Variants in GRXCR2 observed in about 807,000 individuals in gnomAD.
GRXCR2 encodes glutaredoxin and cysteine rich domain containing 2.
In GRXCR2, 23 loss-of-function variants were observed where a neutral mutation model predicts 24.8. That is an observed-to-expected ratio of 0.93 (90% CI 0.67 to 1.32). The LOEUF (loss-of-function observed/expected upper bound fraction) is 1.32, where lower values mean the gene tolerates loss of function less well. Ranked by LOEUF, GRXCR2 falls within the 40% of genes most tolerant of loss-of-function variation. The pLI, the probability that GRXCR2 is intolerant of heterozygous loss-of-function variation, is 0.00. For missense variants in GRXCR2, 315 were observed against 303.4 expected, an observed-to-expected ratio of 1.04 and a Z score of -0.28; for synonymous variants, 130 against 116.1, an observed-to-expected ratio of 1.12 and a Z score of -0.77.
intron 2 of GRXCR2, among the ~76,000 whole-genome samples, chr5:145,864,128 G>T (rs1469527088): frequency 6.6e-6 from 1 of 152,152 alleles, no homozygotes; most frequent in Non-Finnish European, 1.5e-5. Flanking sequence ...CCTCATGGAA[G>T]CCAGGGAAGA....
intron 2 of GRXCR2, among the ~76,000 whole-genome samples, chr5:145,893,740 C>G (rs1313399162): frequency 6.6e-6 from 1 of 152,248 alleles, no homozygotes; most frequent in East Asian, 1.9e-4. Flanking sequence ...ATAAATTTAA[C>G]AAGGATATCC....
rs116131029 is a variant in GRXCR2, at chr5:145,910,497, C to T, written c.-70+25204G>A. Among the ~76,000 whole-genome samples, 432 of 152,084 alleles carry T rather than the reference C, an allele frequency of 2.8e-3. 2 individuals are homozygous for T. The highest frequency in any genetic ancestry group is 0.01 in the African/African-American group (422 of 41,470). ...AATATAATTATATACCAACTGTTAACCTTTTAAAATGATTCATAATTATAA... is the reference window on the plus strand; with the variant it reads ...AATATAATTATATACCAACTGTTAATCTTTTAAAATGATTCATAATTATAA... On this transcript the variant is annotated intron_variant, in intron 2 of 3. Coordinates refer to the GRXCR2 transcript ENST00000639411.
At chr5:145,893,808 AC>A (rs891616387) in intron 2 of GRXCR2, among the ~76,000 whole-genome samples, 1 of 152,096 alleles carries the variant, frequency 6.6e-6, no homozygotes, top group African/African-American at 2.4e-5. Context: ...AGAACTCTCC[AC>A]CCCAAATCAA....
At chr5:145,872,136 G>A (rs562301061) in intron 1 of GRXCR2, among the ~76,000 whole-genome samples, 1 of 152,280 alleles carries the variant, frequency 6.6e-6, no homozygotes, top group East Asian at 1.9e-4. Flanking sequence ...TTATGCTAAG[G>A]AGCAATGGAA....
intron 2 of GRXCR2, among the ~76,000 whole-genome samples, chr5:145,918,899 T>C (rs1239051889): frequency 6.6e-6 from 1 of 152,172 alleles, no homozygotes; most frequent in Non-Finnish European, 1.5e-5. Flanking sequence ...CAAACAGACT[T>C]GGTTCCCTTC....
chr5:145,884,745 T>C (rs907455630), intron 2 of GRXCR2, among the ~76,000 whole-genome samples: 1 of 152,208 alleles, frequency 6.6e-6, no homozygotes, highest in Non-Finnish European at 1.5e-5. Flanking sequence ...TTAAAAAATT[T>C]ACATTCCAAG....
intron 1 of GRXCR2, among the ~76,000 whole-genome samples, chr5:145,868,472 C>T (rs577887743): frequency 6.6e-6 from 1 of 152,260 alleles, no homozygotes; most frequent in African/African-American, 2.4e-5. Flanking sequence ...TTTTCTCTCC[C>T]TTTCTTCAAG....
chr5:145,924,012 T>A (rs551895930), intron 2 of GRXCR2, among the ~76,000 whole-genome samples: 16 of 152,230 alleles, frequency 1.1e-4, no homozygotes, highest in African/African-American at 3.6e-4. Flanking sequence ...TTTTGATAGA[T>A]AATGCCAAAA....
rs773196788 is a variant in GRXCR2 at position 145,872,733 on chromosome 5, T to G, written c.236A>C (p.Lys79Thr). 1.9e-6 allele frequency: 3 copies of G among 1,614,058 alleles called. No homozygotes were observed. The highest frequency in any genetic ancestry group is 2.5e-6 in the Non-Finnish European group (3 of 1,179,888). The change falls in exon 1 of 3, where the codon AAG becomes ACG. Residue 79 changes from lysine (K) to threonine (T), a missense_variant. Coordinates refer to ENST00000377976, the MANE Select transcript of GRXCR2 (RefSeq NM_001080516.2). ...EVPRPQMCSP[K>T]LTAQRISVFR... ...CACACTGATCCTCTGAGCAGTCAGC[T>G]TAGGGGAGCACATCTGGGGCCTGGG...
At chr5:145,892,926 T>G (rs1350639350) in intron 2 of GRXCR2, among the ~76,000 whole-genome samples, 1 of 152,158 alleles carries the variant, frequency 6.6e-6, no homozygotes, top group East Asian at 1.9e-4. Context: ...AGACTAACAG[T>G]AGATCTCTCA....
At chr5:145,872,414 A>G (rs1272761836) in intron 1 of GRXCR2, among the ~76,000 whole-genome samples, 1 of 152,230 alleles carries the variant, frequency 6.6e-6, no homozygotes, top group African/African-American at 2.4e-5. Context: ...GAATTTGAAT[A>G]CTATATATGC....
intron 2 of GRXCR2, among the ~76,000 whole-genome samples, chr5:145,865,174 A>G (rs1446790764): frequency 6.6e-6 from 1 of 152,120 alleles, no homozygotes; most frequent in Non-Finnish European, 1.5e-5. Context: ...GCCCCTGACC[A>G]ATTTTTTCAT....
chr5:145,929,768 C>T (rs1757455066), intron 2 of GRXCR2, among the ~76,000 whole-genome samples: 1 of 152,144 alleles, frequency 6.6e-6, no homozygotes, highest in Non-Finnish European at 1.5e-5. Context: ...GCTTGGTAGA[C>T]TATTCTTTTT....
At chr5:145,892,675 TG>T (rs1756886923) in intron 2 of GRXCR2, among the ~76,000 whole-genome samples, 1 of 152,288 alleles carries the variant, frequency 6.6e-6, no homozygotes, top group Admixed American at 6.5e-5. Context: ...CTGAAAGTGA[TG>T]GGGAGAATGG....
intron 1 of GRXCR2, among the ~76,000 whole-genome samples, chr5:145,868,374 G>C (rs1460233109): frequency 6.6e-6 from 1 of 152,258 alleles, no homozygotes; most frequent in Admixed American, 6.5e-5. Context: ...GCTTGAGCAA[G>C]ACTTCAATAT....
intron 2 of GRXCR2, among the ~76,000 whole-genome samples, chr5:145,882,150 G>A (rs555308156): frequency 8.1e-4 from 124 of 152,170 alleles, no homozygotes; most frequent in African/African-American, 2.9e-3. Context: ...CAATGACAAC[G>A]AAAGCCAAAA....
At chr5:145,876,216 T>TATATATATATAC (rs1420891903), upstream of GRXCR2, among the ~76,000 whole-genome samples, 11 of 133,910 alleles carry the variant, frequency 8.2e-5, no homozygotes, top group African/African-American at 2.9e-4. Context: ...TATATATATA[T>TATATATATATAC]ACACACACAC....
chr5:145,886,242 T>G (rs987730622), intron 2 of GRXCR2, among the ~76,000 whole-genome samples: 11 of 152,214 alleles, frequency 7.2e-5, no homozygotes, highest in Non-Finnish European at 1.5e-5. Flanking sequence ...TAGTTTGCTT[T>G]GAAAGGTAGC....
At chr5:145,912,284 G>A (rs950161608) in intron 2 of GRXCR2, among the ~76,000 whole-genome samples, 30 of 152,314 alleles carry the variant, frequency 2.0e-4, no homozygotes, top group African/African-American at 7.0e-4. Context: ...CAGCTTGTGG[G>A]GCAGGAGCTG....
Sources: gnomAD v4.1 joint callset for allele counts (sites outside exome capture counted in the v4.1 genomes callset) on GRCh38, gnomAD v4.1.1 for gene constraint, MANE v1.5 for transcripts, NCBI Gene and HGNC (gene_info 2026-07-23, HGNC 2026-07-21) for gene names.